The following SLC17A1 variants were observed in gnomAD, a reference collection of about 807,000 sequenced individuals.
SLC17A1 encodes solute carrier family 17 member 1.
SLC17A1 carries 51 observed loss-of-function variants against 53.5 expected under a neutral mutation model. That is an observed-to-expected ratio of 0.95 (90% CI 0.76 to 1.20). SLC17A1 has a LOEUF of 1.20. Ranked by LOEUF, SLC17A1 falls within the 50% of genes most tolerant of loss-of-function variation. SLC17A1 has a pLI of 0.00. For missense variants in SLC17A1, 538 were observed against 568.2 expected, an observed-to-expected ratio of 0.95 and a Z score of 0.54; for synonymous variants, 179 against 198.8, an observed-to-expected ratio of 0.90 and a Z score of 0.84.
chr6:25,771,293 G>T, the SLC17A1 span, among the ~76,000 whole-genome samples: 2 of 152,154 alleles, frequency 1.3e-5, no homozygotes, highest in Non-Finnish European at 2.9e-5. Context: ...ACTATCTTAG[G>T]CTAGGCGTGG....
the SLC17A1 span, among the ~76,000 whole-genome samples, chr6:25,724,995 G>GTTT: frequency 7.3e-6 from 1 of 137,922 alleles, no homozygotes; most frequent in Non-Finnish European, 1.5e-5. Context: ...GTGTTTAGCA[G>GTTT]TTTTTTTTTT....
the SLC17A1 span, chr6:25,768,334 A>G: frequency 2.4e-4 from 238 of 982,010 alleles, 2 homozygotes; most frequent in South Asian, 5.1e-3. Context: ...ATTTCTCTAC[A>G]GGGATAGTGG....
chr6:25,726,267 C>T, the SLC17A1 span: 5 of 1,614,060 alleles, frequency 3.1e-6, no homozygotes, highest in African/African-American at 2.7e-5. Flanking sequence ...CATTGCGGAT[C>T]GCTAGCTGCA....
At chr6:25,770,265 C>T in the SLC17A1 span, 2 of 1,614,114 alleles carry the variant, frequency 1.2e-6, no homozygotes, top group South Asian at 1.1e-5. Flanking sequence ...AGTGGCCTTG[C>T]TCATTGTCCT....
the SLC17A1 span, chr6:25,727,162 A>G: frequency 1.9e-6 from 3 of 1,614,074 alleles, no homozygotes; most frequent in Admixed American, 1.7e-5. Flanking sequence ...TTGGCTCACT[A>G]CAGCAAGCGC....
At chr6:25,762,352 T>C in the SLC17A1 span, among the ~76,000 whole-genome samples, 4 of 152,334 alleles carry the variant, frequency 2.6e-5, no homozygotes, top group Middle Eastern at 3.4e-3. Flanking sequence ...CCTTGGCTTG[T>C]CTGATTCTAA....
intron 12 of SLC17A1, among the ~76,000 whole-genome samples, chr6:25,793,489 C>T (rs907500815): frequency 9.9e-5 from 15 of 152,108 alleles, no homozygotes; most frequent in African/African-American, 3.6e-4. Context: ...CTTGAACATG[C>T]TCCATCGTGT....
the SLC17A1 span, among the ~76,000 whole-genome samples, chr6:25,741,386 A>ATGG: frequency 2.1e-5 from 3 of 145,642 alleles, no homozygotes; most frequent in African/African-American, 7.8e-5. Context: ...CCTGGCCAAC[A>ATGG]TGGCAAAACC....
chr6:25,753,659 G>C, the SLC17A1 span, among the ~76,000 whole-genome samples: 6 of 151,636 alleles, frequency 4.0e-5, no homozygotes, highest in Non-Finnish European at 8.8e-5. Context: ...ACTTTTTTTT[G>C]GCAAGATTAA....
At chr6:25,816,084 C>T (rs777494173) in intron 6 of SLC17A1, among the ~76,000 whole-genome samples, 11 of 151,958 alleles carry the variant, frequency 7.2e-5, no homozygotes, top group Non-Finnish European at 1.2e-4. Flanking sequence ...ACTTGATTTT[C>T]GGTTACAATA....
chr6:25,727,653 C>G, the SLC17A1 span, among the ~76,000 whole-genome samples: 1 of 152,024 alleles, frequency 6.6e-6, no homozygotes, highest in Non-Finnish European at 1.5e-5. Context: ...TCCCAAAGTG[C>G]TGGGACTACA....
At chr6:25,756,030 C>T in the SLC17A1 span, among the ~76,000 whole-genome samples, 1 of 152,198 alleles carries the variant, frequency 6.6e-6, no homozygotes, top group African/African-American at 2.4e-5. Flanking sequence ...CCACCATCAA[C>T]ACTTGTACAG....
rs570964375 is a variant in SLC17A1, at chr6:25,815,235, G to GGGAGGGAGGAAT, written c.617-2034_617-2023dup. 3.8e-3 allele frequency among the ~76,000 whole-genome samples: 571 copies of GGGAGGGAGGAAT among 150,238 alleles called. 3 individuals are homozygous for GGGAGGGAGGAAT. The highest frequency in any genetic ancestry group is 0.014 in the African/African-American group (554 of 40,818). Reference sequence around the variant, plus strand: ...AGCAAGGAAGGGAGGGAGGTAGCAAGGGAGGGAGGAATGAAGGGAGGGAGG... The same window carrying GGGAGGGAGGAAT: ...AGCAAGGAAGGGAGGGAGGTAGCAAGGGAGGGAGGAATGGAGGGAGGAATGAAGGGAGGGAGG... On this transcript the variant is annotated intron_variant, in intron 6 of 12. Transcript: ENST00000244527.
intron 12 of SLC17A1, 113 bp downstream of exon 12, chr6:25,798,670 C>T (rs1763660321): frequency 1.0e-6 from 1 of 959,332 alleles, no homozygotes; most frequent in Non-Finnish European, 1.5e-6. Context: ...ACATGGTCTC[C>T]TCTTCTCCAA....
chr6:25,808,121 A>G (rs991526118), intron 10 of SLC17A1, among the ~76,000 whole-genome samples: 1 of 152,128 alleles, frequency 6.6e-6, no homozygotes, highest in East Asian at 1.9e-4. Context: ...CACCCATGCC[A>G]ACATCTATTA....
At chr6:25,795,388 T>G (rs1763582672) in intron 12 of SLC17A1, among the ~76,000 whole-genome samples, 1 of 151,888 alleles carries the variant, frequency 6.6e-6, no homozygotes, top group African/African-American at 2.4e-5. Context: ...ATAGAAAAAA[T>G]GAACACATTT....
chr6:25,819,905 T>C lies in SLC17A1; in HGVS notation c.218A>G (p.Tyr73Cys), dbSNP rs1173127916. 1.9e-6 allele frequency: 3 copies of C among 1,606,266 alleles called. No homozygotes were observed. Among genetic ancestry groups the C allele is most frequent in the South Asian group, 2.2e-5 (2 of 90,004 alleles). Residue 73 changes from tyrosine (Y) to cysteine (C), a missense_variant, in exon 4 of 13, where the codon TAT becomes TGT. Transcript: ENST00000244527. The part of the protein sequence containing the change: ...KLLDNIKNPM[Y>C]NWSPDIQGII... ...TCCCTGGATATCTGGGCTCCAATTA[T>C]ACATAGGGTTCTAAAAGACAAGGGG...
chr6:25,779,373 G>A, downstream of SLC17A1: 1 of 669,954 alleles, frequency 1.5e-6, no homozygotes, highest in Middle Eastern at 3.9e-4. Flanking sequence ...TTAACTGCAA[G>A]CTACTAAAAG....
chr6:25,757,424 T>A, the SLC17A1 span, among the ~76,000 whole-genome samples: 4 of 152,248 alleles, frequency 2.6e-5, no homozygotes, highest in South Asian at 8.3e-4. Flanking sequence ...CTCTGATCAT[T>A]GTCAGTAGTA....
Sources: gnomAD v4.1 joint callset for allele counts (sites outside exome capture counted in the v4.1 genomes callset) on GRCh38, gnomAD v4.1.1 for gene constraint, MANE v1.5 for transcripts, NCBI Gene and HGNC (gene_info 2026-07-23, HGNC 2026-07-21) for gene names.